DOCK7: variants seen among roughly 807,000 people sequenced by gnomAD.
The protein encoded by DOCK7 is dedicator of cytokinesis 7.
Under a neutral mutation model 271.0 loss-of-function variants are expected in DOCK7, and 138 were observed. That is an observed-to-expected ratio of 0.51 (90% CI 0.44 to 0.59). The LOEUF (loss-of-function observed/expected upper bound fraction) is 0.59. Among genes scored for constraint, DOCK7 ranks in the 20% least tolerant of loss-of-function variants. DOCK7 has a pLI of 0.00. For synonymous variants in DOCK7, 823 were observed against 876.1 expected, an observed-to-expected ratio of 0.94 and a Z score of 1.07; for missense variants, 2,066 against 2,592.4, an observed-to-expected ratio of 0.80 and a Z score of 4.41.
intron 20 of DOCK7, among the ~76,000 whole-genome samples, chr1:62,556,495 G>A (rs1049103528): frequency 4.6e-5 from 7 of 150,742 alleles, no homozygotes; most frequent in Non-Finnish European, 1.0e-4. Flanking sequence ...TGATTGGAAT[G>A]AGTGAATCTG....
chr1:62,474,061 G>A lies in DOCK7; in HGVS notation c.6133C>T (p.Leu2045=). 6.2e-7 allele frequency: 1 copy of A among 1,613,812 alleles called. No individual in the cohort carries two copies. Among genetic ancestry groups the A allele is most frequent in the Non-Finnish European group, 8.5e-7 (1 of 1,179,878 alleles). The change falls in exon 48 of 50, where the codon CTG becomes TTG. Residue 2045 remains leucine, a synonymous_variant. Coordinates refer to ENST00000635253, the MANE Select transcript of DOCK7 (RefSeq NM_001367561.1). ...TTTGGGTCACTAGGTATTTCAGACAGAAAAACCTGGGCAACTTCCAAAGGC... is the reference window on the plus strand; with the variant it reads ...TTTGGGTCACTAGGTATTTCAGACAAAAAAACCTGGGCAACTTCCAAAGGC... ...QGPLEVAQVF[L]SEIPSDPKLF...
intron 14 of DOCK7, among the ~76,000 whole-genome samples, chr1:62,617,508 G>T (rs1268794209): frequency 2.6e-5 from 4 of 151,918 alleles, no homozygotes; most frequent in Non-Finnish European, 4.4e-5. Flanking sequence ...GTCTAATATG[G>T]TAGCCTTTAG....
intron 7 of DOCK7, among the ~76,000 whole-genome samples, chr1:62,643,537 G>A (rs1023222404): frequency 1.3e-5 from 2 of 151,956 alleles, no homozygotes; most frequent in African/African-American, 4.8e-5. Flanking sequence ...CTCTCTGGCC[G>A]CTTTTAATAC....
chr1:62,682,062 G>A (rs931023125), intron 1 of DOCK7, among the ~76,000 whole-genome samples: 1 of 151,410 alleles, frequency 6.6e-6, no homozygotes, highest in Non-Finnish European at 1.5e-5. Flanking sequence ...AAAAAAAACA[G>A]CAGAACAGTT....
At chr1:62,502,903 T>C (rs1019481705) in intron 37 of DOCK7, among the ~76,000 whole-genome samples, 4 of 152,154 alleles carry the variant, frequency 2.6e-5, no homozygotes, top group African/African-American at 7.2e-5. Flanking sequence ...TTATGTTGTA[T>C]ATGAGAGGCA....
intron 43 of DOCK7, chr1:62,479,024 T>TA (rs1646043452): frequency 6.6e-6 from 1 of 152,138 alleles, no homozygotes; most frequent in Non-Finnish European, 1.5e-5. Context: ...TAGCTGGGAT[T>TA]ACAGGTGTGT....
intron 16 of DOCK7, among the ~76,000 whole-genome samples, chr1:62,580,722 G>A (rs1647089339): frequency 2.6e-5 from 4 of 152,172 alleles, no homozygotes; most frequent in Admixed American, 2.6e-4. Flanking sequence ...AGGAATATAA[G>A]TAAGACACAT....
chr1:62,504,464 T>C (rs1571322493), intron 37 of DOCK7, among the ~76,000 whole-genome samples, 166 bp downstream of exon 37: 1 of 152,336 alleles, frequency 6.6e-6, no homozygotes, highest in Admixed American at 6.5e-5. Context: ...AATTGGAGAT[T>C]TGGATTTTTG....
intron 2 of DOCK7, among the ~76,000 whole-genome samples, 180 bp from the exon 3 acceptor site, chr1:62,654,339 T>A (rs1279084231): frequency 1.3e-5 from 2 of 152,202 alleles, no homozygotes; most frequent in African/African-American, 4.8e-5. Flanking sequence ...CTTCTTGTAC[T>A]CCTTGATGTT....
At chr1:62,455,644 G>C (rs1645326363) in intron 49 of DOCK7, among the ~76,000 whole-genome samples, 188 bp from the exon 50 acceptor site, 1 of 152,170 alleles carries the variant, frequency 6.6e-6, no homozygotes, top group Non-Finnish European at 1.5e-5. Context: ...AGCTATAGAA[G>C]TGTATTACAG....
chr1:62,613,005 A>G lies in DOCK7; in HGVS notation c.1682+5701T>C, dbSNP rs114216141. ...CAGTAAAACACATAAGCATTTGCTCAATTAATGTACCTTGATCTATTACAA... is the reference window on the plus strand; with the variant it reads ...CAGTAAAACACATAAGCATTTGCTCGATTAATGTACCTTGATCTATTACAA... On this transcript the variant is annotated intron_variant, in intron 14 of 49. Coordinates refer to ENST00000635253, the MANE Select transcript of DOCK7 (RefSeq NM_001367561.1). Among the ~76,000 whole-genome samples the G allele has an allele frequency of 5.2e-3, 797 of 152,348 alleles. 8 individuals are homozygous for G. Among genetic ancestry groups the G allele is most frequent in the African/African-American group, 0.018 (756 of 41,582 alleles).
chr1:62,586,466 C>T lies in DOCK7; in HGVS notation c.1800+41G>A, dbSNP rs1647540018. The stretch of plus-strand genomic sequence containing the variant: ...AGAGAAAGAAAAAAGTCTATTTGAA[C>T]TTAATACAAAAAATTAGAAAAGTAA... On this transcript the variant is annotated intron_variant, in intron 15 of 49. Coordinates refer to ENST00000635253, the MANE Select transcript of DOCK7 (RefSeq NM_001367561.1). The T allele has an allele frequency of 2.7e-6, 4 of 1,455,266 alleles. No homozygotes were observed. The East Asian group carries it at 9.2e-5, about 34-fold the overall frequency. 90.1% of individuals were successfully genotyped at this position (1,455,266 alleles called of 1,614,324 possible). A position where few individuals can be genotyped will look rare whatever the true frequency, so the allele number is the denominator to read the frequency against.
chr1:62,535,754 G>T, intron 28 of DOCK7, 122 bp from the exon 29 acceptor site: 1 of 879,846 alleles, frequency 1.1e-6, no homozygotes, highest in Non-Finnish European at 1.6e-6. Flanking sequence ...TACTAACACT[G>T]AAGACAAAGC....
intron 14 of DOCK7, among the ~76,000 whole-genome samples, chr1:62,589,761 C>T (rs945116952): frequency 1.3e-5 from 2 of 151,636 alleles, no homozygotes; most frequent in African/African-American, 2.4e-5. Context: ...CTCAAGGACA[C>T]CAACTATGAA....
chr1:62,593,192 A>G (rs995846564), intron 14 of DOCK7, among the ~76,000 whole-genome samples: 1 of 152,228 alleles, frequency 6.6e-6, no homozygotes, highest in Admixed American at 6.5e-5. Flanking sequence ...CTGGTATGAT[A>G]GACCCAAAAT....
At chr1:62,476,033 T>C (rs758489318) in intron 45 of DOCK7, 34 bp downstream of exon 45, 2 of 1,597,934 alleles carry the variant, frequency 1.3e-6, no homozygotes, top group Non-Finnish European at 8.6e-7. Context: ...TTCAAAGAGA[T>C]GTCTATATGT....
intron 21 of DOCK7, among the ~76,000 whole-genome samples, chr1:62,553,853 G>GCA (rs138684696): frequency 1.6e-4 from 19 of 121,050 alleles, no homozygotes; most frequent in East Asian, 4.0e-4. Flanking sequence ...GTGCGTGCGC[G>GCA]CACACACACA....
chr1:62,584,181 G>A (rs964524025), intron 15 of DOCK7: 1 of 984,014 alleles, frequency 1.0e-6, no homozygotes, highest in Non-Finnish European at 1.2e-6. Flanking sequence ...ATATTAGCAG[G>A]TATTTCTGTT....
chr1:62,495,738 C>A, intron 38 of DOCK7, 57 bp from the exon 39 acceptor site: 1 of 1,342,232 alleles, frequency 7.5e-7, no homozygotes, highest in Non-Finnish European at 1.0e-6. Flanking sequence ...CCATAATCAC[C>A]AAATTAGTTT....
Sources: allele counts gnomAD v4.1 joint callset (sites outside exome capture counted in the v4.1 genomes callset), GRCh38; gene constraint gnomAD v4.1.1; transcripts MANE v1.5; gene names NCBI Gene and HGNC (gene_info 2026-07-23, HGNC 2026-07-21).